The following ZNF679 variants were observed in gnomAD, a reference collection of about 807,000 sequenced individuals.
ZNF679 encodes hypothetical protein MGC42415.
In ZNF679, 10 loss-of-function variants were observed where a neutral mutation model predicts 13.4. That is an observed-to-expected ratio of 0.75 (90% CI 0.46 to 1.27). The LOEUF (loss-of-function observed/expected upper bound fraction) is 1.27. ZNF679 is among the 50% of genes most tolerant of loss of function. The probability of loss-of-function intolerance (pLI) is 0.00; values close to 1 mark genes in which losing one functional copy is unlikely to be tolerated. For missense variants in ZNF679, 525 were observed against 477.8 expected (o/e 1.10, Z -0.92); for synonymous variants, 179 against 162.5 (o/e 1.10, Z -0.77).
intron 4 of ZNF679, among the ~76,000 whole-genome samples, chr7:64,265,690 A>G (rs1370055592): frequency 6.6e-6 from 1 of 152,154 alleles, no homozygotes; most frequent in African/African-American, 2.4e-5. Context: ...CACCTGGTGC[A>G]CACACTTTAT....
At chr7:64,238,413 CAG>C (rs1360935254) in intron 1 of ZNF679, among the ~76,000 whole-genome samples, 3 of 152,048 alleles carry the variant, frequency 2.0e-5, no homozygotes, top group East Asian at 1.9e-4. Flanking sequence ...TTATTTGAAA[CAG>C]AGTCTCACTC....
chr7:64,228,542 T>C lies in ZNF679; in HGVS notation c.-201T>C, dbSNP rs1286402499. 1.3e-5 allele frequency: 2 copies of C among 152,176 alleles called. No homozygotes were observed. The highest frequency in any genetic ancestry group is 1.9e-4 in the East Asian group (1 of 5,184). 9.4% of individuals were successfully genotyped at this position (152,176 alleles called of 1,614,324 possible). On this transcript the variant is annotated 5_prime_UTR_variant, in exon 1 of 5. Transcript: ENST00000421025. ...GGCCCAAGCAAATTAGTAAAATAAATTAGGTGCTGTGTGAAAGTATACGCC... is the reference window on the plus strand; with the variant it reads ...GGCCCAAGCAAATTAGTAAAATAAACTAGGTGCTGTGTGAAAGTATACGCC...
intron 2 of ZNF679, among the ~76,000 whole-genome samples, chr7:64,259,646 G>A (rs1788048573): frequency 6.6e-6 from 1 of 152,064 alleles, no homozygotes; most frequent in Non-Finnish European, 1.5e-5. Flanking sequence ...ATTAAATTTA[G>A]GCCAGGTGCG....
intron 4 of ZNF679, among the ~76,000 whole-genome samples, chr7:64,263,157 T>A (rs1788100947): frequency 6.6e-6 from 1 of 152,158 alleles, no homozygotes; most frequent in Admixed American, 6.5e-5. Flanking sequence ...AGTAGCACAG[T>A]CTTGGCTTAC....
In ZNF679 at chr7:64,266,443, T is replaced by G. The variant is rs1190311303; in HGVS notation, c.810T>G (p.Cys270Trp). The G allele has an allele frequency of 6.2e-7, 1 of 1,611,770 alleles. No individual in the cohort carries two copies. Among genetic ancestry groups the G allele is most frequent in the Non-Finnish European group, 8.5e-7 (1 of 1,179,178 alleles). ...ATACTGGAGAAAAACCCTACACATG[T>G]GAAGAATGTGGCCAAGCCTTTAGCC... ...RIHTGEKPYTCEECGQAFSRS... is the reference protein window; with the variant it reads ...RIHTGEKPYTWEECGQAFSRS... The change falls in exon 5 of 5, where the codon TGT becomes TGG. Residue 270 changes from cysteine to tryptophan, a missense_variant. Transcript: ENST00000421025.
At chr7:64,252,370 G>A (rs968825280) in intron 2 of ZNF679, among the ~76,000 whole-genome samples, 2 of 152,142 alleles carry the variant, frequency 1.3e-5, no homozygotes, top group African/African-American at 2.4e-5. Context: ...TATTTACAAA[G>A]GTCGTGAAAG....
At position 64,260,903 on chromosome 7, in the gene ZNF679, G is replaced by A. The variant is rs1272635277; in HGVS notation, c.236G>A (p.Arg79Lys). The A allele has an allele frequency of 6.2e-7, 1 of 1,612,148 alleles. No homozygotes were observed. The highest frequency in any genetic ancestry group is 1.7e-5 in the Admixed American group (1 of 59,674). The change falls in exon 4 of 5, where the codon AGA becomes AAA. Residue 79 changes from arginine to lysine, a missense_variant. By Grantham distance (26) the Arg-to-Lys change is conservative. Transcript: ENST00000421025. ...AATAAAGAGCCTTGGAATATAAAGAGAAATGAGATGGTAACCAAACACCCA... is the reference window on the plus strand; with the variant it reads ...AATAAAGAGCCTTGGAATATAAAGAAAAATGAGATGGTAACCAAACACCCA... The part of the protein sequence containing the change: ...EQNKEPWNIK[R>K]NEMVTKHPVM...
At chr7:64,240,559 A>G (rs1479403266) in intron 1 of ZNF679, among the ~76,000 whole-genome samples, 1 of 152,208 alleles carries the variant, frequency 6.6e-6, no homozygotes, top group East Asian at 1.9e-4. Flanking sequence ...TGACTGTCAT[A>G]TGCACATCCA....
Position 64,236,776 on chromosome 7 carries a change from C to T in ZNF679, c.-91+8124C>T, listed in dbSNP as rs181092199. Among the ~76,000 whole-genome samples, 21 of 121,926 alleles carry T rather than the reference C, an allele frequency of 1.7e-4. No homozygotes were observed. The East Asian group carries it at 2.5e-3, about 14-fold the overall frequency. 80.0% of individuals were successfully genotyped at this position (121,926 alleles called of 152,430 possible). On this transcript the variant is annotated intron_variant, in intron 1 of 4. Coordinates refer to ENST00000421025, the MANE Select transcript of ZNF679 (RefSeq NM_153363.3). ...CAGCCTGGGCGACAAGAGTGAAACT[C>T]GAAAGGAAAGGAAAGGAGAAGGAAA...
intron 1 of ZNF679, among the ~76,000 whole-genome samples, chr7:64,234,660 C>T (rs567524438): frequency 3.9e-5 from 6 of 152,262 alleles, no homozygotes; most frequent in Non-Finnish European, 5.9e-5. Flanking sequence ...GCATAGAGCC[C>T]AACGGAGTCT....
intron 1 of ZNF679, among the ~76,000 whole-genome samples, chr7:64,236,451 G>GC (rs1270308784): frequency 6.7e-6 from 1 of 150,362 alleles, no homozygotes; most frequent in African/African-American, 2.5e-5. Flanking sequence ...CGTTTGTGGG[G>GC]GGAAAAAAAA....
At chr7:64,259,999 A>T (rs1198915449) in intron 2 of ZNF679, among the ~76,000 whole-genome samples, 5 of 152,150 alleles carry the variant, frequency 3.3e-5, no homozygotes, top group Non-Finnish European at 7.3e-5. Flanking sequence ...TAATTTAATA[A>T]TTTATCATCC....
At chr7:64,261,549 AG>A (rs554147629) in intron 4 of ZNF679, among the ~76,000 whole-genome samples, 100 of 152,258 alleles carry the variant, frequency 6.6e-4, no homozygotes, top group African/African-American at 2.3e-3. Context: ...ATTTATAAAT[AG>A]AATTGCTGTA....
At chr7:64,236,138 A>ATG (rs1787708404) in intron 1 of ZNF679, among the ~76,000 whole-genome samples, 1 of 150,646 alleles carries the variant, frequency 6.6e-6, no homozygotes, top group Admixed American at 6.6e-5. Flanking sequence ...GGTGGCTCAC[A>ATG]CCTGTAATCC....
intron 2 of ZNF679, among the ~76,000 whole-genome samples, chr7:64,250,786 G>GTAGAGA (rs1342964334): frequency 2.6e-5 from 4 of 151,534 alleles, no homozygotes; most frequent in African/African-American, 9.7e-5. Context: ...ATGGGGTTTC[G>GTAGAGA]CCATGTTGGC....
At chr7:64,243,089 T>C (rs183613867) in intron 1 of ZNF679, among the ~76,000 whole-genome samples, 1 of 152,228 alleles carries the variant, frequency 6.6e-6, no homozygotes, top group African/African-American at 2.4e-5. Flanking sequence ...GACCCTGATA[T>C]GACACTCTTT....
At chr7:64,245,177 C>G (rs571186206) in intron 1 of ZNF679, among the ~76,000 whole-genome samples, 1 of 152,300 alleles carries the variant, frequency 6.6e-6, no homozygotes, top group South Asian at 2.1e-4. Context: ...CAGGCACCCA[C>G]CACCACCCTG....
chr7:64,232,743 C>T (rs577875624), intron 1 of ZNF679, among the ~76,000 whole-genome samples: 85 of 152,272 alleles, frequency 5.6e-4, no homozygotes, highest in African/African-American at 1.8e-3. Context: ...AGAGTCATAT[C>T]GCCTAGATAA....
intron 1 of ZNF679, among the ~76,000 whole-genome samples, chr7:64,230,556 A>G (rs1397576700): frequency 6.6e-6 from 1 of 150,928 alleles, no homozygotes; most frequent in Non-Finnish European, 1.5e-5. Flanking sequence ...AAAAAAAAAA[A>G]GAAAAAGAAA....
Sources: allele counts gnomAD v4.1 joint callset (sites outside exome capture counted in the v4.1 genomes callset), GRCh38; gene constraint gnomAD v4.1.1; transcripts MANE v1.5; gene names NCBI Gene and HGNC (gene_info 2026-07-23, HGNC 2026-07-21).